SLIT2: variants seen among roughly 807,000 people sequenced by gnomAD.
SLIT2 encodes slit homolog 2 protein.
SLIT2 carries 41 observed loss-of-function variants against 185.7 expected under a neutral mutation model. The ratio of observed to expected loss-of-function variants is 0.22; its 90% CI spans 0.17 to 0.29. The LOEUF (loss-of-function observed/expected upper bound fraction) is 0.29, where lower values mean the gene tolerates loss of function less well. Ranked by LOEUF, SLIT2 falls within the 10% of genes least tolerant of loss-of-function variation. SLIT2 has a pLI of 1.00. For missense variants in SLIT2, 1,571 were observed against 1,909.0 expected, an observed-to-expected ratio of 0.82 and a Z score of 3.30; for synonymous variants, 693 against 680.2, an observed-to-expected ratio of 1.02 and a Z score of -0.29.
rs115517485 is a variant in SLIT2 at position 20,381,983 on chromosome 4, T to C, written c.396-85769T>C. ...TATTTATACATAAATACAAAACTCC[T>C]TTTTAAAAATTTAATAAATCAGTAT... On this transcript the variant is annotated intron_variant, in intron 4 of 36. Coordinates refer to ENST00000504154, the MANE Select transcript of SLIT2 (RefSeq NM_004787.4). 6.8e-3 allele frequency among the ~76,000 whole-genome samples: 1,033 copies of C among 151,972 alleles called. 22 individuals carry two copies. The highest frequency in any genetic ancestry group is 0.024 in the African/African-American group (976 of 41,448).
chr4:20,292,891 G>A (rs1227525586), intron 4 of SLIT2, among the ~76,000 whole-genome samples: 1 of 152,164 alleles, frequency 6.6e-6, no homozygotes, highest in Non-Finnish European at 1.5e-5. Context: ...CAATGATAAT[G>A]ACTCCATCCC....
intron 4 of SLIT2, among the ~76,000 whole-genome samples, chr4:20,301,428 C>T (rs568204897): frequency 1.3e-5 from 2 of 152,218 alleles, no homozygotes; most frequent in South Asian, 2.1e-4. Flanking sequence ...TACCCAATTA[C>T]CCTTTTGTTC....
intron 4 of SLIT2, among the ~76,000 whole-genome samples, chr4:20,400,093 A>G (rs1471079714): frequency 6.6e-6 from 1 of 151,824 alleles, no homozygotes; most frequent in African/African-American, 2.4e-5. Context: ...TTCTCCTACT[A>G]TCATAAAGGT....
intron 4 of SLIT2, among the ~76,000 whole-genome samples, chr4:20,298,090 T>A (rs554637035): frequency 6.6e-6 from 1 of 152,086 alleles, no homozygotes; most frequent in East Asian, 1.9e-4. Flanking sequence ...TAGTTTTTTT[T>A]TTTTTTTTCC....
chr4:20,291,533 C>T (rs1320208804), intron 4 of SLIT2, among the ~76,000 whole-genome samples: 2 of 107,066 alleles, frequency 1.9e-5, no homozygotes, highest in Admixed American at 1.2e-4. Flanking sequence ...TACAGCAATG[C>T]TATGTGTAAT....
chr4:20,580,821 G>T (rs1370541890), intron 29 of SLIT2, among the ~76,000 whole-genome samples: 1 of 152,148 alleles, frequency 6.6e-6, no homozygotes, highest in Non-Finnish European at 1.5e-5. Flanking sequence ...TTGTCATGGA[G>T]CACTCCTTCT....
intron 4 of SLIT2, among the ~76,000 whole-genome samples, chr4:20,386,791 G>A (rs886606987): frequency 6.6e-6 from 1 of 152,206 alleles, no homozygotes; most frequent in African/African-American, 2.4e-5. Context: ...GCTATGTGAT[G>A]CATGATGACC....
At chr4:20,286,314 G>T (rs116133322) in intron 4 of SLIT2, among the ~76,000 whole-genome samples, 2 of 152,068 alleles carry the variant, frequency 1.3e-5, no homozygotes, top group South Asian at 4.1e-4. Context: ...TTCCAAACTT[G>T]AAGTTTAATG....
chr4:20,363,470 T>G (rs56274585), intron 4 of SLIT2, among the ~76,000 whole-genome samples: 34,189 of 152,022 alleles, frequency 0.22, 4,105 homozygotes, highest in African/African-American at 0.31. Flanking sequence ...TTCTCTCCCA[T>G]GGTAATGTAA....
chr4:20,535,553 C>G (rs893179872), intron 18 of SLIT2, among the ~76,000 whole-genome samples: 1 of 151,990 alleles, frequency 6.6e-6, no homozygotes, highest in African/African-American at 2.4e-5. Context: ...TGTCTTCAGG[C>G]GGCCATAATG....
At chr4:20,486,390 A>G (rs1717240544) in intron 7 of SLIT2, 119 bp downstream of exon 7, 3 of 627,970 alleles carry the variant, frequency 4.8e-6, no homozygotes, top group Admixed American at 3.0e-5. Context: ...GGAAAACCCA[A>G]CTTTGGAAAA....
intron 4 of SLIT2, among the ~76,000 whole-genome samples, chr4:20,399,005 T>C (rs2109392619): frequency 6.6e-6 from 1 of 151,776 alleles, no homozygotes; most frequent in East Asian, 1.9e-4. Context: ...CAATAAAGCG[T>C]TAGTTTTAGG....
chr4:20,525,486 A>G (rs1184666053), intron 15 of SLIT2, among the ~76,000 whole-genome samples: 1 of 152,092 alleles, frequency 6.6e-6, no homozygotes. Context: ...CTCTCCTTAC[A>G]TTGTATATCT....
chr4:20,569,153 A>G (rs1725351314), intron 29 of SLIT2, 149 bp downstream of exon 29: 1 of 694,686 alleles, frequency 1.4e-6, no homozygotes, highest in Non-Finnish European at 2.4e-6. Flanking sequence ...TAACATAAGG[A>G]CTTAAAGATA....
chr4:20,482,389 G>A (rs1359701692), intron 6 of SLIT2, among the ~76,000 whole-genome samples: 4 of 151,960 alleles, frequency 2.6e-5, no homozygotes, highest in African/African-American at 9.7e-5. Flanking sequence ...AATACCTACT[G>A]TGTATATTTT....
rs143690443 is a variant in SLIT2 at position 20,406,891 on chromosome 4, G to C, written c.396-60861G>C. On this transcript the variant is annotated intron_variant, in intron 4 of 36. Coordinates refer to ENST00000504154, the MANE Select transcript of SLIT2 (RefSeq NM_004787.4). ...TTACGGTGGTATTGTTTAAAGCCCA[G>C]ATGGAAACAATGTAACTGTCCTATC... Among the ~76,000 whole-genome samples, 285 of 107,496 alleles carry C rather than the reference G, an allele frequency of 2.7e-3. 15 individuals are homozygous for C. The highest frequency in any genetic ancestry group is 6.6e-3 in the African/African-American group (255 of 38,420). 70.5% of individuals were successfully genotyped at this position (107,496 alleles called of 152,430 possible).
chr4:20,459,510 C>T (rs1029829873), intron 4 of SLIT2, among the ~76,000 whole-genome samples: 7 of 152,074 alleles, frequency 4.6e-5, no homozygotes, highest in Admixed American at 2.0e-4. Context: ...GGATAATAAC[C>T]TGCAAATCTG....
intron 18 of SLIT2, among the ~76,000 whole-genome samples, chr4:20,538,434 T>C (rs1722500907): frequency 4.6e-5 from 7 of 152,206 alleles, no homozygotes; most frequent in Admixed American, 4.6e-4. Flanking sequence ...TATCTGTGAC[T>C]TCGCAGAATG....
intron 9 of SLIT2, among the ~76,000 whole-genome samples, chr4:20,495,482 C>T (rs994304927): frequency 6.6e-6 from 1 of 152,078 alleles, no homozygotes; most frequent in Non-Finnish European, 1.5e-5. Flanking sequence ...ATTCATATAG[C>T]AATATGAAAC....
Sources: allele counts gnomAD v4.1 joint callset (sites outside exome capture counted in the v4.1 genomes callset), GRCh38; gene constraint gnomAD v4.1.1; transcripts MANE v1.5; gene names NCBI Gene and HGNC (gene_info 2026-07-23, HGNC 2026-07-21).